NPTX1: variants seen among roughly 807,000 people sequenced by gnomAD.
The protein encoded by NPTX1 is neuronal pentraxin-1.
Under a neutral mutation model 38.7 loss-of-function variants are expected in NPTX1, and 12 were observed. That is an observed-to-expected ratio of 0.31 (90% CI 0.20 to 0.50). The LOEUF is 0.50. NPTX1 is among the 20% of genes least tolerant of loss of function. The pLI, the probability that NPTX1 is intolerant of heterozygous loss-of-function variation, is 0.98. For missense variants in NPTX1, 454 were observed against 592.2 expected, an observed-to-expected ratio of 0.77 and a Z score of 2.42; for synonymous variants, 272 against 264.9, an observed-to-expected ratio of 1.03 and a Z score of -0.26.
chr17:80,471,723 G>A lies in NPTX1; in HGVS notation c.1077+9C>T. The A allele has an allele frequency of 6.2e-7, 1 of 1,609,904 alleles. No homozygotes were observed. Among genetic ancestry groups the A allele is most frequent in the Non-Finnish European group, 8.5e-7 (1 of 1,178,672 alleles). Reference sequence around the variant, plus strand: ...TCTCTCCCCTTCCCCACCACATCCAGCACAGTACCTGCTCCTGGCCCAGCA... The same window carrying A: ...TCTCTCCCCTTCCCCACCACATCCAACACAGTACCTGCTCCTGGCCCAGCA... On this transcript the variant is annotated intron_variant, in intron 4 of 4. Transcript: ENST00000306773.
intron 4 of NPTX1, among the ~76,000 whole-genome samples, chr17:80,471,321 C>T (rs556999929): frequency 5.9e-5 from 9 of 152,318 alleles, no homozygotes; most frequent in Admixed American, 2.0e-4. Flanking sequence ...CATGGACAAC[C>T]ACAGCAGCTG....
At chr17:80,472,945 T>C (rs1296730747) in intron 3 of NPTX1, among the ~76,000 whole-genome samples, 2 of 152,134 alleles carry the variant, frequency 1.3e-5, no homozygotes, top group Non-Finnish European at 2.9e-5. Context: ...CATGGCTCGT[T>C]CTCCGCCATC....
At chr17:80,473,734 C>T in intron 2 of NPTX1, 1 of 456,134 alleles carries the variant, frequency 2.2e-6, no homozygotes, top group South Asian at 2.2e-5. Context: ...TGGTGGGCTG[C>T]TGCATCAACA....
At position 80,466,899 on chromosome 17, in the gene NPTX1, G is replaced by GAAAAAAAAAA. The variant is rs57945494; in HGVS notation, c.*3904_*3913dup. On this transcript the variant is annotated 3_prime_UTR_variant, in exon 5 of 5. Transcript: ENST00000306773. ...ATTCATGTCATTTCAGCAAGAAAATGAAAAAAAAAAAAAAAGCAAGAATAC... is the reference window on the plus strand; with the variant it reads ...ATTCATGTCATTTCAGCAAGAAAATGAAAAAAAAAAAAAAAAAAAAAAAAAGCAAGAATAC... Among the ~76,000 whole-genome samples, 3 of 132,268 alleles carry GAAAAAAAAAA rather than the reference G, an allele frequency of 2.3e-5. No homozygotes were observed. Among genetic ancestry groups the GAAAAAAAAAA allele is most frequent in the African/African-American group, 2.9e-5 (1 of 34,758 alleles). 86.8% of individuals were successfully genotyped at this position (132,268 alleles called of 152,430 possible).
chr17:80,476,593 C>A lies in NPTX1; in HGVS notation c.-147G>T. 1 of 239,946 alleles carries A rather than the reference C, an allele frequency of 4.2e-6. No individual in the cohort carries two copies. Among genetic ancestry groups the A allele is most frequent in the Non-Finnish European group, 6.8e-6 (1 of 147,282 alleles). The allele number at this position is 239,946 out of a possible 1,614,324, so 14.9% of individuals were successfully genotyped here. A position where few individuals can be genotyped will look rare whatever the true frequency, so the allele number is the denominator to read the frequency against. ...CGCGCGGTCCACACCGCCGCGCTAT[C>A]AGGCCCCCACTGCCGCCTGCGCTGC... is the stretch of plus-strand genomic sequence containing the variant. On this transcript the variant is annotated 5_prime_UTR_variant, in exon 1 of 5. Coordinates refer to ENST00000306773, the MANE Select transcript of NPTX1 (RefSeq NM_002522.4). The surrounding 1 kb of genome is among the most constrained non-coding windows in gnomAD (Gnocchi z 6.3).
intron 3 of NPTX1, 47 bp downstream of exon 3, chr17:80,473,153 C>A: frequency 6.3e-7 from 1 of 1,592,196 alleles, no homozygotes; most frequent in South Asian, 1.1e-5. Context: ...TGAGCTGGGG[C>A]CCTGGGGCCT....
rs1260218446 is a variant in NPTX1 at position 80,467,825 on chromosome 17, TG to T, written c.*2987del. 6.6e-6 allele frequency: 1 copy of T among 152,478 alleles called. No homozygotes were observed. Among genetic ancestry groups the T allele is most frequent in the African/African-American group, 2.4e-5 (1 of 41,438 alleles). 9.4% of individuals were successfully genotyped at this position (152,478 alleles called of 1,614,324 possible). ...TCCTTTTCTTTCATAAAAATACTCT[TG>T]TTTGGTAATAAACTTTTTCTTCTAC... On this transcript the variant is annotated 3_prime_UTR_variant, in exon 5 of 5. Coordinates refer to ENST00000306773, the MANE Select transcript of NPTX1 (RefSeq NM_002522.4).
Position 80,475,494 on chromosome 17 carries a change from C to T in NPTX1, c.652+17G>A. ...GCAGGTGCAGGCAGGCAGCACGGCT[C>T]CCCCTGGCCCCAGTACCTTTCTCGA... On this transcript the variant is annotated intron_variant, in intron 2 of 4. Transcript: ENST00000306773. The surrounding 1 kb of genome is among the most constrained non-coding windows in gnomAD (Gnocchi z 6.5). 1.3e-6 allele frequency: 2 copies of T among 1,591,338 alleles called. No individual in the cohort carries two copies. The highest frequency in any genetic ancestry group is 1.7e-6 in the Non-Finnish European group (2 of 1,169,464).
Position 80,471,865 on chromosome 17 carries a change from A to G in NPTX1, c.944T>C (p.Ile315Thr). Reference sequence around the variant, plus strand: ...GTCCCGGGTGGTCCAGGTGACACAGATGTGGTGCCACTTGCCATCATTGAT... The same window carrying G: ...GTCCCGGGTGGTCCAGGTGACACAGGTGTGGTGCCACTTGCCATCATTGAT... ...FVINDGKWHH[I>T]CVTWTTRDGV... Residue 315 changes from isoleucine (I) to threonine (T), a missense_variant, in exon 4 of 5, where the codon ATC becomes ACC. Physicochemically the swap from Ile to Thr is moderately conservative, Grantham distance 89. This residue lies in a region of NPTX1 where 110 missense variants were observed against 197.5 expected (regional missense o/e 0.56). Coordinates refer to ENST00000306773, the MANE Select transcript of NPTX1 (RefSeq NM_002522.4). The G allele has an allele frequency of 6.2e-7, 1 of 1,613,538 alleles. No homozygotes were observed.
rs879480248 is a variant in NPTX1, at chr17:80,468,465, G to C, written c.*2348C>G. ...TAGATCGGCAGGGGCGGGGCTGGCC[G>C]GAGGTGCTGGCAGGGGAGCACCCCA... On this transcript the variant is annotated 3_prime_UTR_variant, in exon 5 of 5. Coordinates refer to ENST00000306773, the MANE Select transcript of NPTX1 (RefSeq NM_002522.4). 6.6e-6 allele frequency: 1 copy of C among 152,334 alleles called. No homozygotes were observed. Among genetic ancestry groups the C allele is most frequent in the Admixed American group, 6.5e-5 (1 of 15,292 alleles). The allele number at this position is 152,334 out of a possible 1,614,324, so 9.4% of individuals were successfully genotyped here.
In NPTX1 at chr17:80,468,992, C is replaced by A. The variant is rs1020164953; in HGVS notation, c.*1821G>T. ...GCAGCACGGCGCCTGATCTGCACCCCCCTCTGCGGGAGTGATGCATTGCAG... is the reference window on the plus strand; with the variant it reads ...GCAGCACGGCGCCTGATCTGCACCCACCTCTGCGGGAGTGATGCATTGCAG... On this transcript the variant is annotated 3_prime_UTR_variant, in exon 5 of 5. Transcript: ENST00000306773. 9 of 152,302 alleles carry A rather than the reference C, an allele frequency of 5.9e-5. No individual in the cohort carries two copies. Among genetic ancestry groups the A allele is most frequent in the Admixed American group, 5.9e-4 (9 of 15,290 alleles). 9.4% of individuals were successfully genotyped at this position (152,302 alleles called of 1,614,324 possible). A position where few individuals can be genotyped will look rare whatever the true frequency, so the allele number is the denominator to read the frequency against.
chr17:80,473,049 C>T, intron 3 of NPTX1, 151 bp downstream of exon 3: 1 of 863,042 alleles, frequency 1.2e-6, no homozygotes, highest in Non-Finnish European at 1.8e-6. Flanking sequence ...TCCTGGTCTT[C>T]ACCCTCCCCC....
rs974075185 is a variant in NPTX1, at chr17:80,470,661, T to C, written c.*152A>G. ...GGGAGCAGGGGCTGCTTCGTGTGCA[T>C]GAGGACAAAACCAGGCTGTGTGCGT... On this transcript the variant is annotated 3_prime_UTR_variant, in exon 5 of 5. Coordinates refer to ENST00000306773, the MANE Select transcript of NPTX1 (RefSeq NM_002522.4). 1.7e-6 allele frequency: 1 copy of C among 588,810 alleles called. No individual in the cohort carries two copies. The highest frequency in any genetic ancestry group is 1.9e-5 in the African/African-American group (1 of 53,814). The allele number at this position is 588,810 out of a possible 1,614,324, so 36.5% of individuals were successfully genotyped here.
Position 80,475,868 on chromosome 17 carries a change from C to A in NPTX1, c.444+135G>T, listed in dbSNP as rs2083877760. ...TGGCCGCCGCGGGGCCTCGCAGGCG[C>A]GGGGAGGCACCGGCCGGGCACCCGC... is the stretch of plus-strand genomic sequence containing the variant. On this transcript the variant is annotated intron_variant, in intron 1 of 4. Transcript: ENST00000306773. The surrounding 1 kb of genome is among the most constrained non-coding windows in gnomAD (Gnocchi z 6.5). 3 of 845,914 alleles carry A rather than the reference C, an allele frequency of 3.5e-6. No individual in the cohort carries two copies. The highest frequency in any genetic ancestry group is 2.3e-5 in the South Asian group (1 of 43,286). The allele number at this position is 845,914 out of a possible 1,614,324, so 52.4% of individuals were successfully genotyped here.
rs932862621 is a variant in NPTX1, at chr17:80,475,937, G to A, written c.444+66C>T. On this transcript the variant is annotated intron_variant, in intron 1 of 4. Transcript: ENST00000306773. The surrounding 1 kb of genome is among the most constrained non-coding windows in gnomAD (Gnocchi z 6.5). ...GGGGATGCCTGGCCGGGTAGGGAAC[G>A]GGGTGGGGGAGGGCAGAGGGGCGAG... The A allele has an allele frequency of 3.0e-6, 4 of 1,347,588 alleles. No homozygotes were observed. In the Admixed American group the frequency reaches 5.7e-5, roughly 19 times the overall value. The allele number at this position is 1,347,588 out of a possible 1,614,324, so 83.5% of individuals were successfully genotyped here.
intron 4 of NPTX1, among the ~76,000 whole-genome samples, chr17:80,471,287 C>G (rs907503350): frequency 6.6e-6 from 1 of 152,196 alleles, no homozygotes; most frequent in African/African-American, 2.4e-5. Flanking sequence ...TGGACTCTGC[C>G]CCTCCTGCAG....
Position 80,470,771 on chromosome 17 carries a change from G to C in NPTX1, c.*42C>G, listed in dbSNP as rs1170027907. 1 of 1,342,270 alleles carries C rather than the reference G, an allele frequency of 7.5e-7. No individual in the cohort carries two copies. The highest frequency in any genetic ancestry group is 1.0e-6 in the Non-Finnish European group (1 of 959,552). The allele number at this position is 1,342,270 out of a possible 1,614,324, so 83.1% of individuals were successfully genotyped here. A position where few individuals can be genotyped will look rare whatever the true frequency, so the allele number is the denominator to read the frequency against. On this transcript the variant is annotated 3_prime_UTR_variant, in exon 5 of 5. Transcript: ENST00000306773. ...CACAAAACAGATCATCGCCGCACAAGCAGGGGGCGAGGGCGGGCGGGCTCA... is the reference window on the plus strand; with the variant it reads ...CACAAAACAGATCATCGCCGCACAACCAGGGGGCGAGGGCGGGCGGGCTCA...
Position 80,471,914 on chromosome 17 carries a change from G to T in NPTX1, c.898-3C>A. On this transcript the variant is annotated splice_polypyrimidine_tract_variant and splice_region_variant and intron_variant, in intron 3 of 4. Coordinates refer to ENST00000306773, the MANE Select transcript of NPTX1 (RefSeq NM_002522.4). ...ATGACAAAAGGCAACTTGGCCACCT[G>T]GGAAGGAGAATGACAGACGCCAGCT... 5 of 1,609,296 alleles carry T rather than the reference G, an allele frequency of 3.1e-6. No individual in the cohort carries two copies. The highest frequency in any genetic ancestry group is 4.2e-6 in the Non-Finnish European group (5 of 1,177,646).
At position 80,476,492 on chromosome 17, in the gene NPTX1, G is replaced by A. The variant is rs866813537; in HGVS notation, c.-46C>T. On this transcript the variant is annotated 5_prime_UTR_variant, in exon 1 of 5. Transcript: ENST00000306773. This position sits in a 1 kb window ranked among gnomAD's most constrained non-coding sequence, Gnocchi z 6.3. ...CCGGGCCCGGCTCGGCTCGGCTGGG[G>A]CTCGGCTCCGGCTGGGACCCGGCTC... The A allele has an allele frequency of 9.2e-5, 101 of 1,093,094 alleles. No individual in the cohort carries two copies. The Middle Eastern group carries it at 4.5e-3, about 49-fold the overall frequency. The allele number at this position is 1,093,094 out of a possible 1,614,324, so 67.7% of individuals were successfully genotyped here.
Sources: gnomAD v4.1 joint callset for allele counts (sites outside exome capture counted in the v4.1 genomes callset) on GRCh38, gnomAD v4.1.1 for gene constraint, gnomAD v4.1.1 regional missense constraint, Gnocchi (gnomAD v3.1) non-coding constraint, MANE v1.5 for transcripts, NCBI Gene and HGNC (gene_info 2026-07-23, HGNC 2026-07-21) for gene names.